Variants in ABCB5 observed in about 807,000 individuals in gnomAD.
ABCB5 encodes ATP-binding cassette sub-family B member 5.
A neutral mutation model predicts 144.2 loss-of-function variants in ABCB5; 155 were observed. That is an observed-to-expected ratio of 1.08 (90% CI 0.94 to 1.23). The LOEUF (loss-of-function observed/expected upper bound fraction) is 1.23, where lower values mean the gene tolerates loss of function less well. ABCB5 is among the 50% of genes most tolerant of loss of function. ABCB5 has a pLI of 0.00. For synonymous variants in ABCB5, 610 were observed against 528.6 expected, an observed-to-expected ratio of 1.15 and a Z score of -2.11; for missense variants, 1,830 against 1,520.8, an observed-to-expected ratio of 1.20 and a Z score of -3.38.
Position 20,710,381 on chromosome 7 carries a change from A to AAAGGGGG in ABCB5, c.2421+5574_2421+5575insAAGGGGG, listed in dbSNP as rs1242291728. On this transcript the variant is annotated intron_variant, in intron 20 of 27. Transcript: ENST00000404938. ...AAACTCCACCTCAAAAAAAAAAAAA[A>AAAGGGGG]GTGGGGGGGGGGCATGACTGTGTTT... Among the ~76,000 whole-genome samples, 20 of 56,716 alleles carry AAAGGGGG rather than the reference A, an allele frequency of 3.5e-4. 1 individual carries two copies. Among genetic ancestry groups the AAAGGGGG allele is most frequent in the African/African-American group, 6.9e-4 (9 of 13,026 alleles). 37.2% of individuals were successfully genotyped at this position (56,716 alleles called of 152,430 possible).
intron 26 of ABCB5, among the ~76,000 whole-genome samples, chr7:20,752,057 C>G (rs1484050906): frequency 6.6e-6 from 1 of 152,198 alleles, no homozygotes; most frequent in East Asian, 1.9e-4. Context: ...AAATGCACTT[C>G]CTGAAGGCAG....
intron 14 of ABCB5, among the ~76,000 whole-genome samples, chr7:20,673,844 T>C (rs961414040): frequency 1.3e-5 from 2 of 152,000 alleles, no homozygotes; most frequent in African/African-American, 4.8e-5. Flanking sequence ...TGGTTTCTGC[T>C]TTACTCATTT....
chr7:20,725,717 T>C (rs540174464), intron 21 of ABCB5, among the ~76,000 whole-genome samples: 38 of 152,228 alleles, frequency 2.5e-4, no homozygotes, highest in Non-Finnish European at 5.0e-4. Flanking sequence ...TTTTTTATCT[T>C]CATTCCTTTT....
chr7:20,700,162 A>G, intron 19 of ABCB5, 27 bp downstream of exon 19: 5 of 1,439,362 alleles, frequency 3.5e-6, no homozygotes, highest in Non-Finnish European at 3.8e-6. Context: ...TTTTTTTTTT[A>G]TTTTATTTAA....
intron 14 of ABCB5, among the ~76,000 whole-genome samples, chr7:20,681,032 TTCTCTTTCTTTCTTTCTC>T (rs1785790074): frequency 3.5e-5 from 1 of 28,388 alleles, no homozygotes; most frequent in Non-Finnish European, 6.4e-5. Flanking sequence ...CTTTCTTTCT[TTCTCTTTCTTTCTTTCTC>T]TCTCTCTCTC....
chr7:20,715,868 C>T (rs1781659567), intron 20 of ABCB5, among the ~76,000 whole-genome samples: 1 of 151,926 alleles, frequency 6.6e-6, no homozygotes, highest in African/African-American at 2.4e-5. Context: ...TACAGGTGCC[C>T]ACCACCACGC....
At chr7:20,618,386 G>A (rs1330776815) in intron 1 of ABCB5, among the ~76,000 whole-genome samples, 1 of 152,174 alleles carries the variant, frequency 6.6e-6, no homozygotes, top group South Asian at 2.1e-4. Flanking sequence ...CATTTATATG[G>A]CTATCTTCAC....
chr7:20,737,686 T>C (rs1782431797), intron 23 of ABCB5, among the ~76,000 whole-genome samples: 1 of 152,172 alleles, frequency 6.6e-6, no homozygotes, highest in Admixed American at 6.5e-5. Flanking sequence ...GCTCACCTGC[T>C]GATTCTTGGA....
chr7:20,624,519 T>C (rs941984091), intron 2 of ABCB5, among the ~76,000 whole-genome samples: 4 of 152,146 alleles, frequency 2.6e-5, no homozygotes, highest in Non-Finnish European at 5.9e-5. Flanking sequence ...CTAGTTTCCA[T>C]GACTGGAGAG....
chr7:20,683,872 T>C (rs1476064754), intron 15 of ABCB5, among the ~76,000 whole-genome samples: 1 of 152,208 alleles, frequency 6.6e-6, no homozygotes. Flanking sequence ...TTATCACAAA[T>C]ATCACAGTTA....
At chr7:20,701,031 C>A (rs565205581) in intron 19 of ABCB5, among the ~76,000 whole-genome samples, 4 of 152,312 alleles carry the variant, frequency 2.6e-5, no homozygotes, top group African/African-American at 9.6e-5. Context: ...CGGAAAGAAG[C>A]AAGTCGGAGG....
intron 1 of ABCB5, among the ~76,000 whole-genome samples, chr7:20,618,958 G>T (rs1783750355): frequency 6.6e-6 from 1 of 151,430 alleles, no homozygotes; most frequent in Admixed American, 6.6e-5. Flanking sequence ...TACCTTTAGT[G>T]GAGACGGGGT....
At chr7:20,725,573 C>T (rs558285125) in intron 21 of ABCB5, among the ~76,000 whole-genome samples, 1 of 152,266 alleles carries the variant, frequency 6.6e-6, no homozygotes, top group Non-Finnish European at 1.5e-5. Context: ...AGCAAGACTC[C>T]ATCTCAAAAG....
At position 20,693,235 on chromosome 7, in the gene ABCB5, C is replaced by A. The variant is rs1786293653; in HGVS notation, c.2011-5172C>A. On this transcript the variant is annotated intron_variant, in intron 16 of 27. Transcript: ENST00000404938. ...AATAATAATTAACCAGGAATAGTGG[C>A]ATGTTCCTGTAGTCCCAGCTACTGG... 2.0e-5 allele frequency among the ~76,000 whole-genome samples: 3 copies of A among 151,910 alleles called. No individual in the cohort carries two copies. The South Asian group carries it at 6.2e-4, about 32-fold the overall frequency.
chr7:20,660,649 C>T (rs961824948), intron 14 of ABCB5, among the ~76,000 whole-genome samples: 10 of 152,152 alleles, frequency 6.6e-5, no homozygotes, highest in Non-Finnish European at 1.5e-4. Context: ...AAAGGTAGGA[C>T]ATCCAGCAGG....
intron 14 of ABCB5, among the ~76,000 whole-genome samples, chr7:20,670,203 G>A (rs914141286): frequency 6.6e-6 from 1 of 152,170 alleles, no homozygotes; most frequent in African/African-American, 2.4e-5. Flanking sequence ...AAGAACGTGA[G>A]TTGAAAATTA....
intron 14 of ABCB5, among the ~76,000 whole-genome samples, chr7:20,665,465 C>T (rs1785145990): frequency 2.0e-5 from 3 of 152,072 alleles, no homozygotes; most frequent in Non-Finnish European, 4.4e-5. Flanking sequence ...CTATGTTTCC[C>T]GTTCAACTAC....
chr7:20,669,414 A>T (rs1222171145), intron 14 of ABCB5, among the ~76,000 whole-genome samples: 2 of 142,598 alleles, frequency 1.4e-5, no homozygotes, highest in Non-Finnish European at 3.0e-5. Flanking sequence ...GATCCTGTTG[A>T]TCTGTGACCT....
chr7:20,629,785 GAGA>G (rs35282965), intron 4 of ABCB5, among the ~76,000 whole-genome samples: 14,464 of 151,682 alleles, frequency 0.095, 727 homozygotes, highest in East Asian at 0.15. Flanking sequence ...GAAGGAGAAG[GAGA>G]AGAAGAAGAA....
Sources: allele counts gnomAD v4.1 joint callset (sites outside exome capture counted in the v4.1 genomes callset), GRCh38; gene constraint gnomAD v4.1.1; transcripts MANE v1.5; gene names NCBI Gene and HGNC (gene_info 2026-07-23, HGNC 2026-07-21).